Variants in NGEF observed in about 807,000 individuals in gnomAD.
The protein encoded by NGEF is ephexin-1.
Under a neutral mutation model 80.9 loss-of-function variants are expected in NGEF, and 31 were observed. That is an observed-to-expected ratio of 0.38 (90% CI 0.29 to 0.52). The LOEUF (loss-of-function observed/expected upper bound fraction) is 0.52, where lower values mean the gene tolerates loss of function less well. NGEF is among the 20% of genes least tolerant of loss of function. The probability of loss-of-function intolerance (pLI) is 0.84; values close to 1 mark genes in which losing one functional copy is unlikely to be tolerated. For missense variants in NGEF, 709 were observed against 926.2 expected (o/e 0.77, Z 3.04); for synonymous variants, 371 against 370.2 (o/e 1.00, Z -0.03).
At chr2:232,989,331 C>T (rs1163856660) in intron 1 of NGEF, among the ~76,000 whole-genome samples, 3 of 152,024 alleles carry the variant, frequency 2.0e-5, no homozygotes, top group African/African-American at 4.8e-5. Context: ...ACCTGTAATC[C>T]CAGCTACTCA....
At chr2:232,956,218 A>G (rs116051801) in intron 3 of NGEF, among the ~76,000 whole-genome samples, 1,831 of 152,218 alleles carry the variant, frequency 0.012, 24 homozygotes, top group African/African-American at 0.027. Context: ...TTGTCCCTGA[A>G]GGGACCTGGC....
chr2:232,996,467 T>C (rs1422199568), intron 1 of NGEF, among the ~76,000 whole-genome samples: 3 of 152,228 alleles, frequency 2.0e-5, no homozygotes, highest in Admixed American at 2.0e-4. Flanking sequence ...GATTCTCACA[T>C]GTTTAAGAGC....
In NGEF at chr2:232,891,241, GGGA is replaced by G. The variant is rs530241051; in HGVS notation, c.1272+114_1272+116del. ...GCCCAGGAACGTGCTTGGCACACAT[GGGA>G]GGAGCTTAGTATCTGTTGAACCAGT... On this transcript the variant is annotated intron_variant, in intron 8 of 14. Transcript: ENST00000264051. The G allele has an allele frequency of 3.3e-4, 449 of 1,344,134 alleles. 5 individuals are homozygous for G. In the South Asian group the frequency reaches 5.5e-3, roughly 17 times the overall value. 83.3% of individuals were successfully genotyped at this position (1,344,134 alleles called of 1,614,324 possible).
At chr2:232,955,636 A>T (rs61589106) in intron 3 of NGEF, among the ~76,000 whole-genome samples, 1 of 152,160 alleles carries the variant, frequency 6.6e-6, no homozygotes, top group South Asian at 2.1e-4. Flanking sequence ...CTTGTGCCTC[A>T]GCCTCCCGAG....
chr2:233,011,486 C>T (rs769329479), intron 1 of NGEF, among the ~76,000 whole-genome samples: 1 of 151,614 alleles, frequency 6.6e-6, no homozygotes, highest in Non-Finnish European at 1.5e-5. Context: ...TAGGTTTGGT[C>T]TCCTCTGAGA....
chr2:232,925,274 C>T (rs1693035742), intron 4 of NGEF, among the ~76,000 whole-genome samples: 1 of 152,246 alleles, frequency 6.6e-6, no homozygotes, highest in African/African-American at 2.4e-5. Flanking sequence ...CTGAAGGCAG[C>T]TGGGCTGCTG....
chr2:232,970,830 C>G (rs537744465), intron 2 of NGEF, among the ~76,000 whole-genome samples: 2 of 151,646 alleles, frequency 1.3e-5, no homozygotes, highest in African/African-American at 4.8e-5. Context: ...ATGATTTAAG[C>G]AACTTCATAT....
intron 5 of NGEF, among the ~76,000 whole-genome samples, chr2:232,908,948 G>A (rs529951852): frequency 6.6e-6 from 1 of 152,176 alleles, no homozygotes; most frequent in South Asian, 2.1e-4. Context: ...GCCACCTCCG[G>A]GAACTGCCTT....
In NGEF at chr2:232,885,054, C is replaced by T. The variant is rs542894789; in HGVS notation, c.1437+226G>A. 23 of 558,936 alleles carry T rather than the reference C, an allele frequency of 4.1e-5. No homozygotes were observed. The African/African-American group carries it at 4.2e-4, about 10-fold the overall frequency. The allele number at this position is 558,936 out of a possible 1,614,324, so 34.6% of individuals were successfully genotyped here. ...GGGTCTGGGCCGCACACTAGCCCCG[C>T]ACTCCCGTCTCCCAGGAGACAGATC... is the stretch of plus-strand genomic sequence containing the variant. On this transcript the variant is annotated intron_variant, in intron 10 of 14. Coordinates refer to ENST00000264051, the MANE Select transcript of NGEF (RefSeq NM_019850.3).
intron 1 of NGEF, chr2:233,012,715 A>C (rs1487121686): frequency 3.8e-5 from 15 of 390,260 alleles, no homozygotes; most frequent in Non-Finnish European, 5.1e-6. Context: ...TGAAAGCCTT[A>C]CTATTTTAAC....
chr2:232,967,737 T>C (rs1487303383), intron 3 of NGEF, among the ~76,000 whole-genome samples: 1 of 126,376 alleles, frequency 7.9e-6, no homozygotes, highest in Non-Finnish European at 1.7e-5. Context: ...GTGTGTGTGA[T>C]CAAGGATCAA....
At chr2:232,934,963 G>C (rs1055723988) in intron 3 of NGEF, among the ~76,000 whole-genome samples, 2 of 150,652 alleles carry the variant, frequency 1.3e-5, no homozygotes, top group African/African-American at 4.9e-5. Context: ...TGCCAAGATC[G>C]CACTACTGCA....
At chr2:232,953,085 C>A (rs1426614904) in intron 3 of NGEF, among the ~76,000 whole-genome samples, 1 of 149,660 alleles carries the variant, frequency 6.7e-6, no homozygotes, top group South Asian at 2.1e-4. Flanking sequence ...GGGCAGATCA[C>A]GAGGTCAGAT....
intron 1 of NGEF, among the ~76,000 whole-genome samples, chr2:232,995,777 C>T: frequency 7.0e-6 from 1 of 143,580 alleles, no homozygotes; most frequent in East Asian, 2.0e-4. Context: ...TATTCATATA[C>T]ATATATGTAT....
intron 3 of NGEF, among the ~76,000 whole-genome samples, chr2:232,935,356 G>A (rs1162063476): frequency 1.3e-5 from 2 of 152,162 alleles, no homozygotes; most frequent in Admixed American, 6.5e-5. Flanking sequence ...GGTGGCTCAC[G>A]CCTGTTATCC....
In NGEF at chr2:232,892,319, G is replaced by T. The variant is rs1467274590; in HGVS notation, c.1142+579C>A. Among the ~76,000 whole-genome samples, 2 of 152,156 alleles carry T rather than the reference G, an allele frequency of 1.3e-5. No individual in the cohort carries two copies. The highest frequency in any genetic ancestry group is 4.8e-5 in the African/African-American group (2 of 41,428). On this transcript the variant is annotated intron_variant, in intron 7 of 14. Coordinates refer to ENST00000264051, the MANE Select transcript of NGEF (RefSeq NM_019850.3). The surrounding 1 kb of genome is among the most constrained non-coding windows in gnomAD (Gnocchi z 4.0). ...AAAACTCCCTGGGTGCTTCTGTGCG[G>T]AGCCAAGACGGCCTCCCTGGCTAAC... is the stretch of plus-strand genomic sequence containing the variant.
intron 1 of NGEF, among the ~76,000 whole-genome samples, chr2:233,011,663 G>A (rs1284180703): frequency 6.6e-6 from 1 of 151,420 alleles, no homozygotes; most frequent in East Asian, 1.9e-4. Context: ...TATGATCATA[G>A]CCCACCGCAT....
At chr2:232,899,932 TCA>T (rs138709516) in intron 5 of NGEF, among the ~76,000 whole-genome samples, 3,034 of 130,052 alleles carry the variant, frequency 0.023, 249 homozygotes, top group East Asian at 0.083. Context: ...ACACGTTCAC[TCA>T]CATTCACTTA....
intron 4 of NGEF, among the ~76,000 whole-genome samples, chr2:232,921,171 G>C (rs1366642504): frequency 1.3e-5 from 2 of 152,118 alleles, no homozygotes; most frequent in Non-Finnish European, 2.9e-5. Context: ...AGGCGATTTG[G>C]GGGCGCAGCT....
Sources: allele counts gnomAD v4.1 joint callset (sites outside exome capture counted in the v4.1 genomes callset), GRCh38; gene constraint gnomAD v4.1.1; non-coding constraint Gnocchi (gnomAD v3.1); transcripts MANE v1.5; gene names NCBI Gene and HGNC (gene_info 2026-07-23, HGNC 2026-07-21).